Variants in ATP10B observed in about 807,000 individuals in gnomAD.
ATP10B encodes the protein phospholipid-transporting ATPase VB.
ATP10B carries 122 observed loss-of-function variants against 141.2 expected under a neutral mutation model. That is an observed-to-expected ratio of 0.86 (90% CI 0.75 to 1.00). The LOEUF is 1.00. Among genes scored for constraint, ATP10B ranks in the 50% least tolerant of loss-of-function variants. The probability of loss-of-function intolerance (pLI) is 0.00; values close to 1 mark genes in which losing one functional copy is unlikely to be tolerated. For missense variants in ATP10B, 1,876 were observed against 1,825.3 expected (o/e 1.03, Z -0.51); for synonymous variants, 685 against 692.0 (o/e 0.99, Z 0.16).
At chr5:160,735,274 A>T (rs945856292) in intron 2 of ATP10B, among the ~76,000 whole-genome samples, 8 of 152,002 alleles carry the variant, frequency 5.3e-5, no homozygotes, top group African/African-American at 1.9e-4. Context: ...TTATAAAGAT[A>T]CATACAGATT....
chr5:160,816,246 G>C (rs1323584236), intron 1 of ATP10B, among the ~76,000 whole-genome samples: 1 of 130,896 alleles, frequency 7.6e-6, no homozygotes, highest in Non-Finnish European at 1.8e-5. Flanking sequence ...AAAATTGAGA[G>C]ACTGCTAGCA....
intron 7 of ATP10B, among the ~76,000 whole-genome samples, chr5:160,650,095 A>C (rs1364647887): frequency 1.3e-5 from 2 of 149,610 alleles, no homozygotes; most frequent in Non-Finnish European, 3.0e-5. Flanking sequence ...GCAGAGCAAG[A>C]CTCTGTCTCA....
rs182700075 is a variant in ATP10B, at chr5:160,619,435, T to A, written c.2416+912A>T. 1.3e-3 allele frequency among the ~76,000 whole-genome samples: 196 copies of A among 152,152 alleles called. 2 individuals are homozygous for A. Among genetic ancestry groups the A allele is most frequent in the African/African-American group, 4.5e-3 (186 of 41,502 alleles). ...GATGACTGGCTGCTGAGGGATAGAG[T>A]GCCGTGGCTCCCTTGACTCAGAAGT... On this transcript the variant is annotated intron_variant, in intron 15 of 25. Transcript: ENST00000327245.
intron 7 of ATP10B, among the ~76,000 whole-genome samples, chr5:160,659,473 A>T (rs989647730): frequency 7.8e-6 from 1 of 127,818 alleles, no homozygotes; most frequent in African/African-American, 3.6e-5. Flanking sequence ...TCAAATAAAA[A>T]CAAAAACAAA....
intron 7 of ATP10B, among the ~76,000 whole-genome samples, chr5:160,670,092 C>A (rs1762580919): frequency 6.6e-6 from 1 of 151,906 alleles, no homozygotes; most frequent in Admixed American, 6.6e-5. Context: ...CTGAGCTGGG[C>A]AGAGTGAGTT....
chr5:160,620,326 C>A (rs1421615362), intron 15 of ATP10B, 21 bp downstream of exon 15: 1 of 1,584,634 alleles, frequency 6.3e-7, no homozygotes, highest in East Asian at 2.2e-5. Flanking sequence ...GTGCCTGGAA[C>A]CCTGGTAAGG....
At chr5:160,846,312 A>C (rs1776114866) in intron 1 of ATP10B, among the ~76,000 whole-genome samples, 1 of 152,206 alleles carries the variant, frequency 6.6e-6, no homozygotes. Flanking sequence ...TCACATGGTG[A>C]GTTGTATATG....
At chr5:160,580,208 G>A (rs1167901188) in intron 24 of ATP10B, among the ~76,000 whole-genome samples, 3 of 152,202 alleles carry the variant, frequency 2.0e-5, no homozygotes, top group Non-Finnish European at 1.5e-5. Flanking sequence ...TTGAATAGGA[G>A]TGGTGAGAGA....
intron 18 of ATP10B, chr5:160,612,190 C>T (rs1303675064): frequency 6.6e-6 from 1 of 152,194 alleles, no homozygotes; most frequent in African/African-American, 2.4e-5. Context: ...CAGGTTTTTA[C>T]TCTGTGGCAG....
intron 11 of ATP10B, among the ~76,000 whole-genome samples, chr5:160,634,823 AC>A (rs1364277388): frequency 1.3e-5 from 2 of 152,188 alleles, no homozygotes; most frequent in Non-Finnish European, 2.9e-5. Context: ...ATGTCTAGTC[AC>A]CATTGGTTGT....
intron 18 of ATP10B, chr5:160,611,740 C>A (rs1757731570): frequency 6.6e-6 from 1 of 152,194 alleles, no homozygotes; most frequent in South Asian, 2.1e-4. Flanking sequence ...GTCCGGTGTC[C>A]TCTCTCCCTC....
intron 2 of ATP10B, among the ~76,000 whole-genome samples, chr5:160,750,125 G>C (rs1357537725): frequency 6.6e-6 from 1 of 152,150 alleles, no homozygotes; most frequent in East Asian, 1.9e-4. Context: ...GTTTTGTTGT[G>C]GTTGCTCTTA....
At chr5:160,721,172 CG>C (rs1765978108) in intron 2 of ATP10B, among the ~76,000 whole-genome samples, 1 of 152,144 alleles carries the variant, frequency 6.6e-6, no homozygotes, top group Non-Finnish European at 1.5e-5. Context: ...CAGAACACCT[CG>C]GGGTTCATGG....
chr5:160,632,996 T>C (rs991747881), intron 12 of ATP10B: 1 of 152,190 alleles, frequency 6.6e-6, no homozygotes, highest in Non-Finnish European at 1.5e-5. Flanking sequence ...ATTAGAGAAA[T>C]GCAAATCAAA....
intron 2 of ATP10B, among the ~76,000 whole-genome samples, chr5:160,761,913 C>T (rs1769076259): frequency 6.6e-6 from 1 of 152,026 alleles, no homozygotes; most frequent in Non-Finnish European, 1.5e-5. Context: ...ATAACAGGTA[C>T]ACTTAGAGAA....
Position 160,785,789 on chromosome 5 carries a change from CTT to C in ATP10B, c.-563_-562del. The C allele has an allele frequency of 1.3e-6, 1 of 760,398 alleles. No individual in the cohort carries two copies. Among genetic ancestry groups the C allele is most frequent in the South Asian group, 1.9e-5 (1 of 53,984 alleles). 47.1% of individuals were successfully genotyped at this position (760,398 alleles called of 1,614,324 possible). On this transcript the variant is annotated 5_prime_UTR_variant, in exon 2 of 26. Coordinates refer to ENST00000327245, the MANE Select transcript of ATP10B (RefSeq NM_025153.3). ...AATGTCACCAGTCGGTTCTGATTCT[CTT>C]GTCAAAGGAAGCCTGCACGACACAG...
intron 2 of ATP10B, among the ~76,000 whole-genome samples, chr5:160,764,638 C>T (rs1437662932): frequency 6.6e-6 from 1 of 152,254 alleles, no homozygotes; most frequent in Non-Finnish European, 1.5e-5. Context: ...AAAGCATTCT[C>T]CCTAAGAACT....
chr5:160,598,483 C>T (rs1045223406), intron 22 of ATP10B, among the ~76,000 whole-genome samples: 19 of 151,860 alleles, frequency 1.3e-4, no homozygotes, highest in African/African-American at 4.6e-4. Flanking sequence ...CACATGTATA[C>T]ATATGAAATT....
chr5:160,651,176 G>C (rs1347598235), intron 7 of ATP10B, among the ~76,000 whole-genome samples: 1 of 152,108 alleles, frequency 6.6e-6, no homozygotes, highest in Non-Finnish European at 1.5e-5. Flanking sequence ...GTGACTGAAA[G>C]GTAAAGAAGG....
Sources: allele counts gnomAD v4.1 joint callset (sites outside exome capture counted in the v4.1 genomes callset), GRCh38; gene constraint gnomAD v4.1.1; transcripts MANE v1.5; gene names NCBI Gene and HGNC (gene_info 2026-07-23, HGNC 2026-07-21).